The following ZC2HC1B variants were observed in gnomAD, a reference collection of about 807,000 sequenced individuals.
ZC2HC1B encodes zinc finger C2HC-type containing 1B.
A neutral mutation model predicts 31.0 loss-of-function variants in ZC2HC1B; 36 were observed. That is an observed-to-expected ratio of 1.16 (90% CI 0.89 to 1.54). The LOEUF is 1.54. Ranked by LOEUF, ZC2HC1B falls within the 40% of genes most tolerant of loss-of-function variation. ZC2HC1B has a pLI of 0.00. For missense variants in ZC2HC1B, 260 were observed against 268.6 expected (o/e 0.97, Z 0.22); for synonymous variants, 73 against 88.0 (o/e 0.83, Z 0.95).
In ZC2HC1B at chr6:143,915,993, C is replaced by T. The variant is rs1240524319; in HGVS notation, c.598+12841C>T. 2.0e-5 allele frequency among the ~76,000 whole-genome samples: 3 copies of T among 152,150 alleles called. No homozygotes were observed. In the East Asian group the frequency reaches 5.8e-4, roughly 29 times the overall value. ...GTAATGAGGAGCTGAATGTTAGTCC[C>T]CAAGACAATGAGGAAAATGTCTCCA... is the stretch of plus-strand genomic sequence containing the variant. On this transcript the variant is annotated intron_variant, in intron 6 of 7. Transcript: ENST00000237275. This position sits in a 1 kb window ranked among gnomAD's most constrained non-coding sequence, Gnocchi z 5.2.
intron 4 of ZC2HC1B, among the ~76,000 whole-genome samples, chr6:143,893,515 A>T (rs1777625057): frequency 2.0e-5 from 3 of 152,026 alleles, no homozygotes; most frequent in Admixed American, 6.6e-5. Flanking sequence ...TGCAGTGAGC[A>T]GAGATTGTGC....
intron 6 of ZC2HC1B, among the ~76,000 whole-genome samples, chr6:143,912,714 C>A (rs1777874757): frequency 6.6e-6 from 1 of 152,216 alleles, no homozygotes. Flanking sequence ...GGGTCTTACC[C>A]AGTCAGGGTC....
chr6:143,936,177 A>G lies in ZC2HC1B; in HGVS notation c.599-1472A>G, dbSNP rs376044222. Among the ~76,000 whole-genome samples, 37 of 152,338 alleles carry G rather than the reference A, an allele frequency of 2.4e-4. No individual in the cohort carries two copies. The South Asian group carries it at 4.6e-3, about 19-fold the overall frequency. On this transcript the variant is annotated intron_variant, in intron 6 of 7. Transcript: ENST00000237275. Reference sequence around the variant, plus strand: ...ACAGCCTTATTGATCCCAGAGTCTTATGAGAAGACATAGCATGCACAGGAA... The same window carrying G: ...ACAGCCTTATTGATCCCAGAGTCTTGTGAGAAGACATAGCATGCACAGGAA...
intron 5 of ZC2HC1B, among the ~76,000 whole-genome samples, chr6:143,901,935 C>T (rs994387821): frequency 1.3e-5 from 2 of 152,198 alleles, no homozygotes; most frequent in Non-Finnish European, 2.9e-5. Flanking sequence ...GTTCTTCTTA[C>T]TGGTCTCCAG....
chr6:143,886,064 CA>C lies in ZC2HC1B; in HGVS notation c.125del (p.Asn42ThrfsTer10). On this transcript the variant is annotated frameshift_variant, in exon 3 of 8. Coordinates refer to ENST00000237275, the MANE Select transcript of ZC2HC1B (RefSeq NM_001013623.3). LOFTEE classifies it high-confidence loss of function. This position sits in a 1 kb window ranked among gnomAD's most constrained non-coding sequence, Gnocchi z 4.2. ...ATGGACCAATATGTAAGAAACTCTT[CA>C]ACAGAAAGCGTAAACCTTTCAGTTC... ...RHGPICKKLF[N>X]RKRKPFSSLK... 6.5e-7 allele frequency: 1 copy of C among 1,546,244 alleles called. No individual in the cohort carries two copies. Among genetic ancestry groups the C allele is most frequent in the African/African-American group, 1.4e-5 (1 of 72,818 alleles).
At chr6:143,891,936 A>T (rs963633566) in intron 4 of ZC2HC1B, among the ~76,000 whole-genome samples, 2 of 152,134 alleles carry the variant, frequency 1.3e-5, no homozygotes, top group African/African-American at 2.4e-5. Flanking sequence ...ATCTGTGGGT[A>T]ATTGATTTTC....
intron 6 of ZC2HC1B, among the ~76,000 whole-genome samples, chr6:143,912,395 T>C (rs923847252): frequency 6.6e-6 from 1 of 152,236 alleles, no homozygotes; most frequent in Non-Finnish European, 1.5e-5. Context: ...CTCATCTTAG[T>C]GGGCTTATCT....
intron 4 of ZC2HC1B, among the ~76,000 whole-genome samples, chr6:143,896,891 G>C (rs1175193919): frequency 6.6e-6 from 1 of 151,392 alleles, no homozygotes; most frequent in African/African-American, 2.4e-5. Flanking sequence ...TTATTTATTT[G>C]TTTCTGTGCT....
chr6:143,908,417 AT>A lies in ZC2HC1B; in HGVS notation c.598+5270del, dbSNP rs933190184. Among the ~76,000 whole-genome samples, 4 of 151,966 alleles carry A rather than the reference AT, an allele frequency of 2.6e-5. No homozygotes were observed. The highest frequency in any genetic ancestry group is 9.7e-5 in the African/African-American group (4 of 41,380). ...TTCTTCCTATTCATGAGCATGGTAT[AT>A]TTTTCCATTTGTTTGTGTCATCTCT... On this transcript the variant is annotated intron_variant, in intron 6 of 7. Transcript: ENST00000237275. This position sits in a 1 kb window ranked among gnomAD's most constrained non-coding sequence, Gnocchi z 4.4.
In ZC2HC1B at chr6:143,886,074, C is replaced by T. The variant is rs893098363; in HGVS notation, c.133C>T (p.Arg45Cys). Residue 45 changes from arginine (R) to cysteine (C), a missense_variant, in exon 3 of 8, where the codon CGT becomes TGT. Physicochemically the swap from Arg to Cys is radical, Grantham distance 180. Transcript: ENST00000237275. This position sits in a 1 kb window ranked among gnomAD's most constrained non-coding sequence, Gnocchi z 4.2. ...PICKKLFNRK[R>C]KPFSSLKQRL... Reference sequence around the variant, plus strand: ...ATGTAAGAAACTCTTCAACAGAAAGCGTAAACCTTTCAGTTCTTTGAAGCA... The same window carrying T: ...ATGTAAGAAACTCTTCAACAGAAAGTGTAAACCTTTCAGTTCTTTGAAGCA... 6 of 1,547,962 alleles carry T rather than the reference C, an allele frequency of 3.9e-6. No individual in the cohort carries two copies. Among genetic ancestry groups the T allele is most frequent in the African/African-American group, 2.7e-5 (2 of 72,786 alleles).
At position 143,884,208 on chromosome 6, in the gene ZC2HC1B, G is replaced by A. The variant is rs1332079401; in HGVS notation, c.29-96G>A. ...TTGGTGGGGAGGGAAAAGAGAGTGA[G>A]GATATCAAGCTATTGAGGTCACCTC... On this transcript the variant is annotated intron_variant, in intron 1 of 7. Transcript: ENST00000237275. The surrounding 1 kb of genome is among the most constrained non-coding windows in gnomAD (Gnocchi z 5.1). 5.6e-6 allele frequency: 6 copies of A among 1,076,392 alleles called. No individual in the cohort carries two copies. Among genetic ancestry groups the A allele is most frequent in the Non-Finnish European group, 7.9e-6 (6 of 757,442 alleles). The allele number at this position is 1,076,392 out of a possible 1,614,324, so 66.7% of individuals were successfully genotyped here. A position where few individuals can be genotyped will look rare whatever the true frequency, so the allele number is the denominator to read the frequency against.
chr6:143,930,879 G>A (rs1248281711), intron 6 of ZC2HC1B, among the ~76,000 whole-genome samples: 1 of 152,174 alleles, frequency 6.6e-6, no homozygotes, highest in Admixed American at 6.5e-5. Context: ...GTAAATGTCT[G>A]TAAGGTCCAT....
intron 4 of ZC2HC1B, among the ~76,000 whole-genome samples, chr6:143,890,893 G>T (rs369316649): frequency 2.0e-5 from 3 of 152,014 alleles, no homozygotes; most frequent in South Asian, 2.1e-4. Context: ...ACTTTGGGAG[G>T]CCGAGGCAGG....
chr6:143,871,574 T>G lies in ZC2HC1B; in HGVS notation c.28+7007T>G, dbSNP rs1777337217. On this transcript the variant is annotated intron_variant, in intron 1 of 7. Coordinates refer to ENST00000237275, the MANE Select transcript of ZC2HC1B (RefSeq NM_001013623.3). The surrounding 1 kb of genome is among the most constrained non-coding windows in gnomAD (Gnocchi z 4.1). ...TGGTTAAGCTTATGATAATCCACTC[T>G]CATTCTTCCAGATCCATCTGTCTTC... Among the ~76,000 whole-genome samples the G allele has an allele frequency of 1.3e-5, 2 of 152,202 alleles. No individual in the cohort carries two copies. Among genetic ancestry groups the G allele is most frequent in the Admixed American group, 1.3e-4 (2 of 15,292 alleles).
chr6:143,934,537 A>G lies in ZC2HC1B; in HGVS notation c.599-3112A>G, dbSNP rs897075174. Among the ~76,000 whole-genome samples the G allele has an allele frequency of 1.3e-5, 2 of 152,170 alleles. No homozygotes were observed. The highest frequency in any genetic ancestry group is 2.1e-4 in the South Asian group (1 of 4,828). On this transcript the variant is annotated intron_variant, in intron 6 of 7. Coordinates refer to ENST00000237275, the MANE Select transcript of ZC2HC1B (RefSeq NM_001013623.3). The surrounding 1 kb of genome is among the most constrained non-coding windows in gnomAD (Gnocchi z 4.6). ...GCATTTTTATGTTTCTTGTGTTCCT[A>G]TGCCAATATCTCTGCATCTGGTGTA... is the stretch of plus-strand genomic sequence containing the variant.
chr6:143,925,536 CT>C (rs36007959), intron 6 of ZC2HC1B, among the ~76,000 whole-genome samples: 54,306 of 104,590 alleles, frequency 0.52, 11,358 homozygotes, highest in South Asian at 0.66. Context: ...CTTTTCTTTT[CT>C]TTTTTTTTTT....
At position 143,898,595 on chromosome 6, in the gene ZC2HC1B, C is replaced by T. The variant is rs1384975679; in HGVS notation, c.393C>T (p.Ser131=). 2.2e-5 allele frequency: 34 copies of T among 1,551,634 alleles called. No homozygotes were observed. The Middle Eastern group carries it at 5.0e-4, about 23-fold the overall frequency. Residue 131 remains serine (S), a synonymous_variant, in exon 5 of 8, where the codon AGC becomes AGT. Transcript: ENST00000237275. ...ATTGTATGAGAAGGTTTAATGAAAG[C>T]GCAGCTGAGCGACATACTAATTTCT... ...RPYCMRRFNE[S]AAERHTNFCK...
At chr6:143,876,513 A>C (rs2128493422) in intron 1 of ZC2HC1B, among the ~76,000 whole-genome samples, 1 of 150,624 alleles carries the variant, frequency 6.6e-6, no homozygotes, top group African/African-American at 2.4e-5. Flanking sequence ...CAGAAACCCC[A>C]AAACCAATGA....
intron 1 of ZC2HC1B, among the ~76,000 whole-genome samples, chr6:143,881,131 C>A (rs772292453): frequency 2.6e-5 from 4 of 152,138 alleles, no homozygotes; most frequent in Non-Finnish European, 5.9e-5. Context: ...AATCTGTGTC[C>A]TATCTCTCTA....
Sources: allele counts gnomAD v4.1 joint callset (sites outside exome capture counted in the v4.1 genomes callset), GRCh38; gene constraint gnomAD v4.1.1; non-coding constraint Gnocchi (gnomAD v3.1); transcripts MANE v1.5; gene names NCBI Gene and HGNC (gene_info 2026-07-23, HGNC 2026-07-21).